MARCHF10: variants seen among roughly 807,000 people sequenced by gnomAD.
The protein encoded by MARCHF10 is probable E3 ubiquitin-protein ligase MARCHF10.
In MARCHF10, 64 loss-of-function variants were observed where a neutral mutation model predicts 76.2. The ratio of observed to expected loss-of-function variants is 0.84; its 90% CI spans 0.69 to 1.03. MARCHF10 has a LOEUF of 1.03. Ranked by LOEUF, MARCHF10 falls within the 50% of genes least tolerant of loss-of-function variation. MARCHF10 has a pLI of 0.00. For missense variants in MARCHF10, 875 were observed against 958.0 expected, an observed-to-expected ratio of 0.91 and a Z score of 1.14; for synonymous variants, 340 against 357.5, an observed-to-expected ratio of 0.95 and a Z score of 0.55.
chr17:62,704,945 C>CTT, intron 10 of MARCHF10: 2 of 856,834 alleles, frequency 2.3e-6, no homozygotes, highest in African/African-American at 4.5e-5. Context: ...TTTCTCCAGT[C>CTT]GTTTTTTTTT....
intron 6 of MARCHF10, among the ~76,000 whole-genome samples, 155 bp from the exon 7 acceptor site, chr17:62,725,259 G>C (rs1455883692): frequency 6.6e-6 from 1 of 152,138 alleles, no homozygotes; most frequent in East Asian, 1.9e-4. Context: ...GATAACACAG[G>C]CACAAATTCT....
chr17:62,800,274 T>C (rs999912089), intron 2 of MARCHF10, among the ~76,000 whole-genome samples: 1 of 152,228 alleles, frequency 6.6e-6, no homozygotes, highest in African/African-American at 2.4e-5. Context: ...TGTGATTTTC[T>C]TCAACAAGGA....
rs1347731545 is a variant in MARCHF10, at chr17:62,735,791, T to C, written c.1937+140A>G. 5.7e-6 allele frequency: 4 copies of C among 702,482 alleles called. No individual in the cohort carries two copies. In the East Asian group the frequency reaches 8.4e-5, roughly 15 times the overall value. 43.5% of individuals were successfully genotyped at this position (702,482 alleles called of 1,614,324 possible). On this transcript the variant is annotated intron_variant, in intron 6 of 10. Transcript: ENST00000311269. Reference sequence around the variant, plus strand: ...TTTAAGAGCAACAAAACAGAGACAATTTTCTCAAAATAAGCAACCACTAAA... The same window carrying C: ...TTTAAGAGCAACAAAACAGAGACAACTTTCTCAAAATAAGCAACCACTAAA...
chr17:62,722,472 T>TA lies in MARCHF10; in HGVS notation c.2214+15_2214+16insT. 6.3e-7 allele frequency: 1 copy of TA among 1,584,674 alleles called. No individual in the cohort carries two copies. Among genetic ancestry groups the TA allele is most frequent in the Non-Finnish European group, 8.6e-7 (1 of 1,156,492 alleles). On this transcript the variant is annotated intron_variant, in intron 8 of 10. Coordinates refer to ENST00000311269, the MANE Select transcript of MARCHF10 (RefSeq NM_152598.4). Reference sequence around the variant, plus strand: ...CATACTTTAACCTGTGGAGGCAGAGTGGCCACATTTCTTACCTGAGATTGC... The same window carrying TA: ...CATACTTTAACCTGTGGAGGCAGAGTAGGCCACATTTCTTACCTGAGATTGC...
rs530185189 is a variant in MARCHF10 at position 62,785,512 on chromosome 17, C to T, written c.210+2968G>A. Among the ~76,000 whole-genome samples, 320 of 152,190 alleles carry T rather than the reference C, an allele frequency of 2.1e-3. 1 individual carries two copies. The highest frequency in any genetic ancestry group is 3.6e-3 in the Non-Finnish European group (244 of 67,994). ...CACCAAAAGCAATGGCAACAAAAGC[C>T]AAAATAGACAAATGGGATCTAATTA... is the stretch of plus-strand genomic sequence containing the variant. On this transcript the variant is annotated intron_variant, in intron 3 of 10. Coordinates refer to ENST00000311269, the MANE Select transcript of MARCHF10 (RefSeq NM_152598.4).
intron 1 of MARCHF10, among the ~76,000 whole-genome samples, chr17:62,802,827 G>A (rs2093098869): frequency 1.3e-5 from 2 of 152,306 alleles, no homozygotes; most frequent in African/African-American, 2.4e-5. Context: ...GAACAGCCCC[G>A]GAAGGGCTGC....
At chr17:62,788,979 C>T (rs530330730) in intron 2 of MARCHF10, among the ~76,000 whole-genome samples, 3 of 139,772 alleles carry the variant, frequency 2.1e-5, no homozygotes, top group South Asian at 2.4e-4. Context: ...AGGAGAATGG[C>T]GTGAACCCGG....
chr17:62,788,935 C>T (rs1269557620), intron 2 of MARCHF10, among the ~76,000 whole-genome samples: 4 of 151,300 alleles, frequency 2.6e-5, no homozygotes, highest in Admixed American at 1.3e-4. Context: ...CGGTGGCGGG[C>T]GCCTGTAGTC....
Position 62,788,955 on chromosome 17 carries a change from C to T in MARCHF10, c.91-356G>A, listed in dbSNP as rs9914624. Among the ~76,000 whole-genome samples, 1,031 of 147,000 alleles carry T rather than the reference C, an allele frequency of 7.0e-3. 11 individuals are homozygous for T. The highest frequency in any genetic ancestry group is 0.02 in the African/African-American group (797 of 40,012). On this transcript the variant is annotated intron_variant, in intron 2 of 10. Transcript: ENST00000311269. ...GCGGGCGCCTGTAGTCCCAGCTACTCGGGAGGCTGAGGCAGGAGAATGGCG... is the reference window on the plus strand; with the variant it reads ...GCGGGCGCCTGTAGTCCCAGCTACTTGGGAGGCTGAGGCAGGAGAATGGCG...
intron 6 of MARCHF10, among the ~76,000 whole-genome samples, chr17:62,731,822 T>G (rs2091035810): frequency 6.6e-6 from 1 of 152,112 alleles, no homozygotes; most frequent in Admixed American, 6.5e-5. Context: ...ATAGACACAT[T>G]TAATATAAGC....
intron 3 of MARCHF10, among the ~76,000 whole-genome samples, chr17:62,783,340 C>T (rs915510961): frequency 2.6e-5 from 4 of 151,066 alleles, no homozygotes; most frequent in Admixed American, 1.3e-4. Flanking sequence ...AGAACAAAGA[C>T]ACACCGTACC....
intron 2 of MARCHF10, among the ~76,000 whole-genome samples, chr17:62,792,696 A>C (rs1408854059): frequency 7.1e-6 from 1 of 141,770 alleles, no homozygotes; most frequent in African/African-American, 2.7e-5. Context: ...CACCACCATC[A>C]CCTCCATCAC....
chr17:62,701,723 A>C lies in MARCHF10; in HGVS notation c.2407T>G (p.Ser803Ala), dbSNP rs1448648109. The C allele has an allele frequency of 8.1e-6, 13 of 1,614,014 alleles. No homozygotes were observed. The Admixed American group carries it at 1.7e-4, about 21-fold the overall frequency. ...ELGDGNEGSI[S>A]QSQVV is the part of the protein sequence containing the mutation. ...CCTTGCTAGACGACCTGGCTTTGAG[A>C]AATGCTGCCTTCATTTCCATCTCCC... Residue 803 changes from serine to alanine, a missense_variant, in exon 11 of 11, where the codon TCT becomes GCT. Coordinates refer to ENST00000311269, the MANE Select transcript of MARCHF10 (RefSeq NM_152598.4).
intron 4 of MARCHF10, among the ~76,000 whole-genome samples, chr17:62,753,775 G>A (rs564342687): frequency 1.6e-3 from 242 of 152,304 alleles, no homozygotes; most frequent in African/African-American, 5.6e-3. Flanking sequence ...GTCAGGGTGC[G>A]CCTTGCACTA....
intron 3 of MARCHF10, among the ~76,000 whole-genome samples, chr17:62,761,575 T>A (rs1391841651): frequency 1.3e-5 from 2 of 151,906 alleles, no homozygotes; most frequent in African/African-American, 4.8e-5. Context: ...GCACCCACCA[T>A]CATACCCGGC....
intron 7 of MARCHF10, among the ~76,000 whole-genome samples, chr17:62,722,895 C>T (rs538520162): frequency 6.7e-4 from 102 of 151,310 alleles, no homozygotes; most frequent in African/African-American, 2.3e-3. Flanking sequence ...CTTGGAATTG[C>T]TGCACAGAGG....
chr17:62,789,418 G>T (rs2092805127), intron 2 of MARCHF10, among the ~76,000 whole-genome samples: 1 of 152,188 alleles, frequency 6.6e-6, no homozygotes, highest in Admixed American at 6.5e-5. Context: ...TGCTGCTGTG[G>T]CCTTGCCTCT....
At chr17:62,756,357 G>C (rs2092042998) in intron 4 of MARCHF10, among the ~76,000 whole-genome samples, 1 of 152,042 alleles carries the variant, frequency 6.6e-6, no homozygotes, top group South Asian at 2.1e-4. Context: ...GGGGTCAGAG[G>C]ATCACTTGAG....
In MARCHF10 at chr17:62,712,194, T is replaced by C. The variant is rs1218046407; in HGVS notation, c.2215-850A>G. ...TTTCAGTCCCCATCTTTCCCTTGAG[T>C]GGGGGTCTTGGGATGGGCCAGGCTG... On this transcript the variant is annotated intron_variant, in intron 8 of 10. Transcript: ENST00000311269. The surrounding 1 kb of genome is among the most constrained non-coding windows in gnomAD (Gnocchi z 4.2). Among the ~76,000 whole-genome samples, 1 of 152,198 alleles carries C rather than the reference T, an allele frequency of 6.6e-6. No individual in the cohort carries two copies. The highest frequency in any genetic ancestry group is 1.5e-5 in the Non-Finnish European group (1 of 68,024).
Sources: gnomAD v4.1 joint callset for allele counts (sites outside exome capture counted in the v4.1 genomes callset) on GRCh38, gnomAD v4.1.1 for gene constraint, Gnocchi (gnomAD v3.1) non-coding constraint, MANE v1.5 for transcripts, NCBI Gene and HGNC (gene_info 2026-07-23, HGNC 2026-07-21) for gene names.